HNRNPLL: variants seen among roughly 807,000 people sequenced by gnomAD.
The protein encoded by HNRNPLL is heterogeneous nuclear ribonucleoprotein L-like.
A neutral mutation model predicts 67.1 loss-of-function variants in HNRNPLL; 25 were observed. The ratio of observed to expected loss-of-function variants is 0.37; its 90% CI spans 0.27 to 0.52. The LOEUF is 0.52. Among genes scored for constraint, HNRNPLL ranks in the 20% least tolerant of loss-of-function variants. HNRNPLL has a pLI of 0.90. For synonymous variants in HNRNPLL, 267 were observed against 241.7 expected (o/e 1.10, Z -0.97); for missense variants, 542 against 673.9 (o/e 0.80, Z 2.17).
intron 9 of HNRNPLL, 97 bp from the exon 10 acceptor site, chr2:38,569,431 T>A: frequency 2.4e-6 from 2 of 848,000 alleles, no homozygotes; most frequent in Non-Finnish European, 3.7e-6. Context: ...GCATAAATCT[T>A]AACCAAAAAA....
intron 6 of HNRNPLL, chr2:38,578,146 T>C (rs980197250): frequency 5.0e-5 from 19 of 376,452 alleles, no homozygotes; most frequent in Admixed American, 2.5e-4. Flanking sequence ...CTATTGACCA[T>C]AACACCAGGT....
chr2:38,581,056 A>C (rs1666511057), intron 6 of HNRNPLL: 1 of 152,252 alleles, frequency 6.6e-6, no homozygotes, highest in South Asian at 2.1e-4. Context: ...TTTAAAAAGT[A>C]AACAATGCAG....
intron 12 of HNRNPLL, among the ~76,000 whole-genome samples, chr2:38,566,882 A>G (rs1462116319): frequency 1.3e-5 from 2 of 151,858 alleles, no homozygotes; most frequent in African/African-American, 2.4e-5. Context: ...AACTATAAGG[A>G]TGTTTATTAC....
At chr2:38,580,902 T>C (rs1666502306) in intron 6 of HNRNPLL, among the ~76,000 whole-genome samples, 1 of 152,202 alleles carries the variant, frequency 6.6e-6, no homozygotes, top group African/African-American at 2.4e-5. Context: ...GTGATAACCT[T>C]AAATTGTTAC....
chr2:38,596,909 A>C (rs1667216486), intron 1 of HNRNPLL, among the ~76,000 whole-genome samples: 1 of 152,206 alleles, frequency 6.6e-6, no homozygotes, highest in South Asian at 2.1e-4. Flanking sequence ...AATTGGGTTA[A>C]CTGTAATGGC....
chr2:38,577,551 C>T lies in HNRNPLL; in HGVS notation c.803-19G>A, dbSNP rs764552118. 1.9e-6 allele frequency: 3 copies of T among 1,565,462 alleles called. No homozygotes were observed. Among genetic ancestry groups the T allele is most frequent in the Non-Finnish European group, 2.6e-6 (3 of 1,136,140 alleles). On this transcript the variant is annotated intron_variant, in intron 6 of 12. Transcript: ENST00000449105. ...CCTCTATCTGACACAAAAGTAGAAA[C>T]ATGGTTTTAACAATTTTGACCCAAG...
Position 38,594,463 on chromosome 2 carries a change from G to C in HNRNPLL, c.190-2815C>G, listed in dbSNP as rs34086033. Among the ~76,000 whole-genome samples the C allele has an allele frequency of 3.4e-3, 510 of 152,108 alleles. 2 individuals are homozygous for C. The highest frequency in any genetic ancestry group is 5.7e-3 in the Non-Finnish European group (385 of 67,996). On this transcript the variant is annotated intron_variant, in intron 1 of 12. Transcript: ENST00000449105. ...CTTTCAAATAGTTTAGGGGAAAATA[G>C]TATAGGGGAAAAAAGTATGTATATA...
At chr2:38,578,832 T>C (rs1244178048) in intron 6 of HNRNPLL, among the ~76,000 whole-genome samples, 13 of 152,100 alleles carry the variant, frequency 8.5e-5, no homozygotes, top group Non-Finnish European at 1.5e-5. Flanking sequence ...GACTTAGTCG[T>C]TGGCCAAAAC....
intron 6 of HNRNPLL, among the ~76,000 whole-genome samples, chr2:38,579,939 C>T (rs1427632014): frequency 6.6e-6 from 1 of 152,100 alleles, no homozygotes; most frequent in Middle Eastern, 3.4e-3. Context: ...AAACTAAAAA[C>T]GTTTTACGTG....
chr2:38,575,721 G>A (rs549562112), intron 7 of HNRNPLL, among the ~76,000 whole-genome samples: 9 of 151,848 alleles, frequency 5.9e-5, no homozygotes, highest in African/African-American at 1.9e-4. Flanking sequence ...TCATCTATAA[G>A]GTGATCCCAA....
At chr2:38,579,985 A>T (rs1314920872) in intron 6 of HNRNPLL, among the ~76,000 whole-genome samples, 3 of 152,192 alleles carry the variant, frequency 2.0e-5, no homozygotes. Context: ...TATATACCTT[A>T]TACATTTCTA....
intron 12 of HNRNPLL, 58 bp from the exon 13 acceptor site, chr2:38,564,295 G>A (rs1041702782): frequency 1.1e-6 from 1 of 900,788 alleles, no homozygotes; most frequent in African/African-American, 1.7e-5. Context: ...AGATCACCTT[G>A]AAGTATCAGA....
At chr2:38,599,311 TA>T (rs1558549781) in intron 1 of HNRNPLL, among the ~76,000 whole-genome samples, 1 of 152,204 alleles carries the variant, frequency 6.6e-6, no homozygotes, top group Non-Finnish European at 1.5e-5. Context: ...AGAAAAACTT[TA>T]AAATCTCCAA....
intron 12 of HNRNPLL, among the ~76,000 whole-genome samples, chr2:38,566,835 ATTAAAAATAAAAAAAAAT>A (rs1336649337): frequency 1.3e-5 from 2 of 150,898 alleles, no homozygotes; most frequent in Non-Finnish European, 3.0e-5. Context: ...AAAAAAAAAA[ATTAAAAATAAAAAAAAAT>A]TTAAAAATAA....
At chr2:38,600,984 G>A (rs1018257388) in intron 1 of HNRNPLL, among the ~76,000 whole-genome samples, 2 of 152,232 alleles carry the variant, frequency 1.3e-5, no homozygotes, top group East Asian at 3.9e-4. Context: ...TCATGATGCT[G>A]CACAAAAACC....
chr2:38,601,801 T>C (rs991452782), intron 1 of HNRNPLL, among the ~76,000 whole-genome samples: 6 of 152,206 alleles, frequency 3.9e-5, no homozygotes, highest in African/African-American at 1.4e-4. Flanking sequence ...TGTTGAAGTG[T>C]TGTAACCGAA....
Position 38,563,935 on chromosome 2 carries a change from C to G in HNRNPLL, c.*247G>C. Reference sequence around the variant, plus strand: ...AAATTCCAGTAATAAGGTTAGAAATCATATATCTGTATAATCTACAATGAA... The same window carrying G: ...AAATTCCAGTAATAAGGTTAGAAATGATATATCTGTATAATCTACAATGAA... On this transcript the variant is annotated 3_prime_UTR_variant, in exon 13 of 13. Coordinates refer to ENST00000449105, the MANE Select transcript of HNRNPLL (RefSeq NM_138394.4). 2.9e-6 allele frequency: 1 copy of G among 349,218 alleles called. No homozygotes were observed. The highest frequency in any genetic ancestry group is 5.0e-5 in the East Asian group (1 of 20,124). 21.6% of individuals were successfully genotyped at this position (349,218 alleles called of 1,614,324 possible).
chr2:38,580,511 G>T (rs915468633), intron 6 of HNRNPLL, among the ~76,000 whole-genome samples: 12 of 152,198 alleles, frequency 7.9e-5, no homozygotes, highest in African/African-American at 2.9e-4. Context: ...GCACTATAGA[G>T]TACCCACTCC....
At chr2:38,589,701 C>T (rs1205179322) in intron 2 of HNRNPLL, among the ~76,000 whole-genome samples, 1 of 152,156 alleles carries the variant, frequency 6.6e-6, no homozygotes, top group Non-Finnish European at 1.5e-5. Flanking sequence ...ATTCAAATTA[C>T]TAACTTAAAA....
Sources: allele counts gnomAD v4.1 joint callset (sites outside exome capture counted in the v4.1 genomes callset), GRCh38; gene constraint gnomAD v4.1.1; transcripts MANE v1.5; gene names NCBI Gene and HGNC (gene_info 2026-07-23, HGNC 2026-07-21).